NLRP11: variants seen among roughly 807,000 people sequenced by gnomAD.
NLRP11 encodes NLR family pyrin domain containing 11.
A neutral mutation model predicts 79.3 loss-of-function variants in NLRP11; 53 were observed. The ratio of observed to expected loss-of-function variants is 0.67; its 90% CI spans 0.54 to 0.84. NLRP11 has a LOEUF of 0.84. NLRP11 is among the 40% of genes least tolerant of loss of function. NLRP11 has a pLI of 0.00. For missense variants in NLRP11, 1,264 were observed against 1,255.0 expected (o/e 1.01, Z -0.11); for synonymous variants, 518 against 462.6 (o/e 1.12, Z -1.54).
intron 4 of NLRP11, among the ~76,000 whole-genome samples, chr19:55,806,314 A>G (rs1979983679): frequency 1.3e-5 from 2 of 152,334 alleles, no homozygotes; most frequent in South Asian, 4.1e-4. Context: ...TGGACACCTA[A>G]TAGACATCAC....
chr19:55,815,414 AGCTACTCAGGAG>A (rs145880101), intron 2 of NLRP11, among the ~76,000 whole-genome samples: 33,403 of 151,042 alleles, frequency 0.22, 5,655 homozygotes, highest in African/African-American at 0.48. Context: ...CCTTAATCCC[AGCTACTCAGGAG>A]GCTAAGTCAG....
intron 5 of NLRP11, among the ~76,000 whole-genome samples, chr19:55,800,265 T>C (rs1979348766): frequency 1.3e-5 from 2 of 152,218 alleles, no homozygotes; most frequent in African/African-American, 4.8e-5. Context: ...ACTGAGGCAC[T>C]GGATTGTTAG....
intron 8 of NLRP11, 73 bp downstream of exon 8, chr19:55,789,156 A>G (rs991009422): frequency 1.3e-6 from 2 of 1,483,136 alleles, no homozygotes; most frequent in Non-Finnish European, 1.8e-6. Flanking sequence ...GTATTTCCCA[A>G]TCCACTTCCT....
At chr19:55,831,873 T>C (rs1982823300) in intron 1 of NLRP11, 90 bp downstream of exon 1, 1 of 151,982 alleles carries the variant, frequency 6.6e-6, no homozygotes, top group Non-Finnish European at 1.5e-5. Flanking sequence ...TTCCAGCTCC[T>C]AACCAAAGAG....
chr19:55,834,789 C>A (rs1983089322), upstream of NLRP11, among the ~76,000 whole-genome samples: 1 of 152,114 alleles, frequency 6.6e-6, no homozygotes, highest in South Asian at 2.1e-4. Flanking sequence ...TAGAAATGAA[C>A]CGCAGCTATA....
At position 55,809,985 on chromosome 19, in the gene NLRP11, C is replaced by T. The variant is rs772516562; in HGVS notation, c.625G>A (p.Asp209Asn). 5 of 1,614,156 alleles carry T rather than the reference C, an allele frequency of 3.1e-6. No individual in the cohort carries two copies. Among genetic ancestry groups the T allele is most frequent in the Non-Finnish European group, 4.2e-6 (5 of 1,179,992 alleles). The change falls in exon 3 of 10, where the codon GAC becomes AAC. Residue 209 changes from aspartate (D) to asparagine (N), a missense_variant. By Grantham distance (23) the Asp-to-Asn change is conservative. Coordinates refer to ENST00000589093, the Ensembl canonical transcript of NLRP11. The surrounding 1 kb of genome is among the most constrained non-coding windows in gnomAD (Gnocchi z 4.5). ...ATGTCTGCAATGGGAGCCTGGCCGT[C>T]AGGCCAGTCCTTGGCGATTAGCTCA...
chr19:55,828,626 A>T lies in NLRP11; in HGVS notation c.-63+3337T>A, dbSNP rs562118405. ...CACACTGATACGAAATATGCATTAA[A>T]TGGTGCTGAGAAATTTGGCTCATCA... is the stretch of plus-strand genomic sequence containing the variant. On this transcript the variant is annotated intron_variant, in intron 1 of 9. Transcript: ENST00000589093. Among the ~76,000 whole-genome samples the T allele has an allele frequency of 5.8e-4, 88 of 152,342 alleles. 1 individual carries two copies. The highest frequency in any genetic ancestry group is 2.0e-3 in the African/African-American group (85 of 41,586).
chr19:55,818,913 T>G (rs11670889), intron 1 of NLRP11, among the ~76,000 whole-genome samples: 7,216 of 152,132 alleles, frequency 0.047, 218 homozygotes, highest in Middle Eastern at 0.068. Context: ...CAGACTCAAG[T>G]TTTTTATACA....
chr19:55,797,644 G>C (rs1979058187), intron 5 of NLRP11, among the ~76,000 whole-genome samples: 1 of 152,168 alleles, frequency 6.6e-6, no homozygotes, highest in Admixed American at 6.5e-5. Context: ...TATGGGGCAG[G>C]CACTGAGCGA....
chr19:55,834,201 A>C (rs553366288), upstream of NLRP11, among the ~76,000 whole-genome samples: 142 of 152,350 alleles, frequency 9.3e-4, 2 homozygotes, highest in African/African-American at 3.1e-3. Flanking sequence ...CAAAAGCTAC[A>C]AACCACAAAC....
At chr19:55,796,126 G>T (rs1978829776) in exon 6 of NLRP11, 1 of 1,613,984 alleles carries the variant, frequency 6.2e-7, no homozygotes, top group South Asian at 1.1e-5. Flanking sequence ...GCATCACACA[G>T]TATGTTCATC....
chr19:55,828,214 A>G (rs1982411681), intron 1 of NLRP11, among the ~76,000 whole-genome samples: 2 of 151,036 alleles, frequency 1.3e-5, no homozygotes, highest in African/African-American at 4.9e-5. Flanking sequence ...GGAATTGAAC[A>G]ATGAGATCAC....
upstream of NLRP11, among the ~76,000 whole-genome samples, chr19:55,836,141 C>T (rs967942231): frequency 1.4e-4 from 21 of 152,170 alleles, no homozygotes; most frequent in African/African-American, 4.6e-4. Context: ...TTAATAATTT[C>T]TTCTTGCACG....
At chr19:55,798,339 T>A in intron 5 of NLRP11, 1 of 984,912 alleles carries the variant, frequency 1.0e-6, no homozygotes, top group South Asian at 4.7e-5. Flanking sequence ...GTTGAGGGCC[T>A]GAAGATTAAA....
intron 5 of NLRP11, among the ~76,000 whole-genome samples, chr19:55,800,185 C>G (rs950989651): frequency 6.6e-6 from 1 of 152,118 alleles, no homozygotes; most frequent in Admixed American, 6.5e-5. Flanking sequence ...TGAAGTCTAG[C>G]AAGTGGTATT....
chr19:55,831,890 A>G (rs966448278), intron 1 of NLRP11, 73 bp downstream of exon 1: 2 of 152,224 alleles, frequency 1.3e-5, no homozygotes, highest in African/African-American at 4.8e-5. Context: ...AGAGAAAGCT[A>G]AAGAACCAAT....
intron 2 of NLRP11, among the ~76,000 whole-genome samples, chr19:55,811,018 G>A (rs529462569): frequency 3.3e-5 from 5 of 152,138 alleles, no homozygotes; most frequent in South Asian, 2.1e-4. Flanking sequence ...GCAATAACTC[G>A]AGTTCAGGGA....
chr19:55,813,816 T>C (rs1425968058), intron 2 of NLRP11, among the ~76,000 whole-genome samples: 1 of 152,150 alleles, frequency 6.6e-6, no homozygotes, highest in Non-Finnish European at 1.5e-5. Context: ...GCCCTGCTAC[T>C]GACATTTAAA....
At chr19:55,789,898 T>C (rs1328297932) in intron 7 of NLRP11, among the ~76,000 whole-genome samples, 2 of 152,240 alleles carry the variant, frequency 1.3e-5, no homozygotes, top group Non-Finnish European at 2.9e-5. Context: ...TGTTCTCCCA[T>C]GTGACCTGCC....
Sources: allele counts gnomAD v4.1 joint callset (sites outside exome capture counted in the v4.1 genomes callset), GRCh38; gene constraint gnomAD v4.1.1; non-coding constraint Gnocchi (gnomAD v3.1); transcripts MANE v1.5; gene names NCBI Gene and HGNC (gene_info 2026-07-23, HGNC 2026-07-21).